Variants in SMYD2 observed in about 807,000 individuals in gnomAD.
The protein encoded by SMYD2 is SET and MYND domain containing 2, also known as N-lysine methyltransferase SMYD2.
SMYD2 carries 53 observed loss-of-function variants against 59.1 expected under a neutral mutation model. That is an observed-to-expected ratio of 0.90 (90% CI 0.72 to 1.13). The LOEUF (loss-of-function observed/expected upper bound fraction) is 1.13. Among genes scored for constraint, SMYD2 ranks in the 50% most tolerant of loss-of-function variants. The pLI, the probability that SMYD2 is intolerant of heterozygous loss-of-function variation, is 0.00. For synonymous variants in SMYD2, 208 were observed against 198.8 expected, an observed-to-expected ratio of 1.05 and a Z score of -0.39; for missense variants, 494 against 544.7, an observed-to-expected ratio of 0.91 and a Z score of 0.93.
At position 214,302,703 on chromosome 1, in the gene SMYD2, G is replaced by C. The variant is rs527908746; in HGVS notation, c.174-2484G>C. On this transcript the variant is annotated intron_variant, in intron 1 of 11. Coordinates refer to ENST00000366957, the MANE Select transcript of SMYD2 (RefSeq NM_020197.3). Reference sequence around the variant, plus strand: ...CAGCCTTTGGTAGAGGTATTATTTTGATGAACTCTCACTAGAGTTCTTTCT... The same window carrying C: ...CAGCCTTTGGTAGAGGTATTATTTTCATGAACTCTCACTAGAGTTCTTTCT... 1.2e-4 allele frequency among the ~76,000 whole-genome samples: 19 copies of C among 152,262 alleles called. No homozygotes were observed. The South Asian group carries it at 3.7e-3, about 30-fold the overall frequency.
At chr1:214,306,280 C>A (rs946635146) in intron 2 of SMYD2, among the ~76,000 whole-genome samples, 3 of 148,982 alleles carry the variant, frequency 2.0e-5, no homozygotes, top group African/African-American at 7.5e-5. Flanking sequence ...ATTTTTTTTT[C>A]TTTCTCACCT....
In SMYD2 at chr1:214,305,257, G is replaced by C. The variant is rs1322869839; in HGVS notation, c.237+7G>C. 2 of 1,613,976 alleles carry C rather than the reference G, an allele frequency of 1.2e-6. No homozygotes were observed. The highest frequency in any genetic ancestry group is 1.7e-6 in the Non-Finnish European group (2 of 1,179,810). ...CTGCAATGTGGAGTGTCAGGTAGGT[G>C]CTGGGCCATTGGCAGGGAGGGCCTA... On this transcript the variant is annotated splice_region_variant and intron_variant, in intron 2 of 11. Transcript: ENST00000366957.
chr1:214,291,716 C>G (rs1364773304), intron 1 of SMYD2, among the ~76,000 whole-genome samples: 1 of 152,166 alleles, frequency 6.6e-6, no homozygotes, highest in East Asian at 1.9e-4. Context: ...CACATCTTTC[C>G]AGTCCTACAA....
intron 6 of SMYD2, 164 bp from the exon 7 acceptor site, chr1:214,327,457 CA>C (rs1657281162): frequency 1.7e-6 from 1 of 573,840 alleles, no homozygotes. Flanking sequence ...ATAGGATTAT[CA>C]GTGCATGCAG....
intron 1 of SMYD2, among the ~76,000 whole-genome samples, chr1:214,287,547 A>G (rs1227275290): frequency 1.5e-5 from 2 of 137,392 alleles, no homozygotes; most frequent in African/African-American, 5.5e-5. Context: ...AGAGTGCGCC[A>G]CTGTACTCCA....
intron 2 of SMYD2, among the ~76,000 whole-genome samples, chr1:214,307,741 A>T (rs1165180177): frequency 1.3e-5 from 2 of 152,164 alleles, no homozygotes; most frequent in South Asian, 4.1e-4. Context: ...CCCTGCCCCC[A>T]GGACCTAGAA....
chr1:214,305,172 C>G lies in SMYD2; in HGVS notation c.174-15C>G. 6.2e-7 allele frequency: 1 copy of G among 1,613,758 alleles called. No individual in the cohort carries two copies. The highest frequency in any genetic ancestry group is 8.5e-7 in the Non-Finnish European group (1 of 1,179,662). ...CTGTGTCTGTCACCACTACAGTGCC[C>G]TTTCTGTTTTTAAGGAAAGAAGGAT... On this transcript the variant is annotated splice_polypyrimidine_tract_variant and intron_variant, in intron 1 of 11. Coordinates refer to ENST00000366957, the MANE Select transcript of SMYD2 (RefSeq NM_020197.3).
At chr1:214,303,380 A>G (rs1656857144) in intron 1 of SMYD2, among the ~76,000 whole-genome samples, 1 of 152,042 alleles carries the variant, frequency 6.6e-6, no homozygotes, top group South Asian at 2.1e-4. Flanking sequence ...TTCCCGAGAG[A>G]GCAAGGGTCT....
chr1:214,281,438 G>C lies in SMYD2; in HGVS notation c.173+11G>C. On this transcript the variant is annotated intron_variant, in intron 1 of 11. Coordinates refer to ENST00000366957, the MANE Select transcript of SMYD2 (RefSeq NM_020197.3). ...GTACTGCTTCACCAGGTAGGGCGGCGGCGGCGGCGGCGGCGGGCGGGAGCC... is the reference window on the plus strand; with the variant it reads ...GTACTGCTTCACCAGGTAGGGCGGCCGCGGCGGCGGCGGCGGGCGGGAGCC... 7.2e-7 allele frequency: 1 copy of C among 1,395,916 alleles called. No individual in the cohort carries two copies. The highest frequency in any genetic ancestry group is 9.3e-7 in the Non-Finnish European group (1 of 1,070,948). The allele number at this position is 1,395,916 out of a possible 1,614,324, so 86.5% of individuals were successfully genotyped here. A position where few individuals can be genotyped will look rare whatever the true frequency, so the allele number is the denominator to read the frequency against.
chr1:214,315,187 C>A (rs1270969924), intron 3 of SMYD2, among the ~76,000 whole-genome samples: 2 of 152,204 alleles, frequency 1.3e-5, no homozygotes. Context: ...ATTAGAGCTT[C>A]CTAGGGAACC....
rs1656434188 is a variant in SMYD2, at chr1:214,281,221, C to G, written c.-34C>G. 3 of 1,223,504 alleles carry G rather than the reference C, an allele frequency of 2.5e-6. No homozygotes were observed. The highest frequency in any genetic ancestry group is 3.1e-6 in the Non-Finnish European group (3 of 977,962). 75.8% of individuals were successfully genotyped at this position (1,223,504 alleles called of 1,614,324 possible). ...TAACAGCTCGCCGGGAGCCGCAGCT[C>G]GGGCACAGCCGGCGGCCGCGCCCCG... On this transcript the variant is annotated 5_prime_UTR_variant, in exon 1 of 12. Coordinates refer to ENST00000366957, the MANE Select transcript of SMYD2 (RefSeq NM_020197.3).
intron 1 of SMYD2, among the ~76,000 whole-genome samples, chr1:214,286,276 G>A (rs549590661): frequency 3.3e-5 from 5 of 152,184 alleles, no homozygotes; most frequent in African/African-American, 1.2e-4. Flanking sequence ...GACCTGCCTG[G>A]GCAACATAGC....
At chr1:214,316,739 G>A (rs1026340955) in intron 3 of SMYD2, among the ~76,000 whole-genome samples, 3 of 152,058 alleles carry the variant, frequency 2.0e-5, no homozygotes, top group Non-Finnish European at 2.9e-5. Context: ...ATGCTACCTC[G>A]CCAGCCAGCC....
At chr1:214,285,727 A>T (rs1477239045) in intron 1 of SMYD2, among the ~76,000 whole-genome samples, 1 of 152,184 alleles carries the variant, frequency 6.6e-6, no homozygotes, top group African/African-American at 2.4e-5. Context: ...AATGACAGGG[A>T]TATGTTCCAA....
rs528619147 is a variant in SMYD2 at position 214,310,342 on chromosome 1, C to CT, written c.238-4414dup. Among the ~76,000 whole-genome samples the CT allele has an allele frequency of 1.8e-3, 281 of 152,194 alleles. 1 individual carries two copies. The highest frequency in any genetic ancestry group is 6.4e-3 in the African/African-American group (264 of 41,538). The stretch of plus-strand genomic sequence containing the variant: ...CAGTATGAAAAATTCCATATCTCAC[C>CT]TTTTTTATGGATTTAAGTTACACAG... On this transcript the variant is annotated intron_variant, in intron 2 of 11. Transcript: ENST00000366957.
intron 9 of SMYD2, 102 bp from the exon 10 acceptor site, chr1:214,331,916 G>GCTT (rs1657361027): frequency 9.7e-7 from 1 of 1,031,208 alleles, no homozygotes; most frequent in Admixed American, 2.9e-5. Flanking sequence ...TTTTCATGGG[G>GCTT]TAAGGGTGAG....
rs143938151 is a variant in SMYD2 at position 214,302,163 on chromosome 1, G to T, written c.174-3024G>T. ...TCGAGACCATCCTGGCCAACATGGT[G>T]AAACCCTGTCTCTACTAATACAAAA... is the stretch of plus-strand genomic sequence containing the variant. On this transcript the variant is annotated intron_variant, in intron 1 of 11. Coordinates refer to ENST00000366957, the MANE Select transcript of SMYD2 (RefSeq NM_020197.3). 9.2e-4 allele frequency among the ~76,000 whole-genome samples: 140 copies of T among 152,108 alleles called. 1 individual carries two copies. The highest frequency in any genetic ancestry group is 6.8e-3 in the Middle Eastern group (2 of 294).
chr1:214,331,156 T>G, intron 9 of SMYD2, 86 bp downstream of exon 9: 1 of 1,579,416 alleles, frequency 6.3e-7, no homozygotes, highest in Non-Finnish European at 8.6e-7. Flanking sequence ...AGGAGAAGGA[T>G]GGATTTAAGA....
intron 1 of SMYD2, among the ~76,000 whole-genome samples, chr1:214,296,177 C>A (rs570715422): frequency 6.6e-6 from 1 of 152,364 alleles, no homozygotes; most frequent in Non-Finnish European, 1.5e-5. Context: ...TCTAGACCAA[C>A]AGCACCTGCG....
Sources: allele counts gnomAD v4.1 joint callset (sites outside exome capture counted in the v4.1 genomes callset), GRCh38; gene constraint gnomAD v4.1.1; transcripts MANE v1.5; gene names NCBI Gene and HGNC (gene_info 2026-07-23, HGNC 2026-07-21).